Variants in FRMD6 observed in about 807,000 individuals in gnomAD.
FRMD6 encodes the protein FERM domain containing 6.
In FRMD6, 37 loss-of-function variants were observed where a neutral mutation model predicts 73.2. The ratio of observed to expected loss-of-function variants is 0.51; its 90% CI spans 0.39 to 0.66. The LOEUF (loss-of-function observed/expected upper bound fraction) is 0.66. Ranked by LOEUF, FRMD6 falls within the 30% of genes least tolerant of loss-of-function variation. The pLI is 0.00. For synonymous variants in FRMD6, 273 were observed against 282.2 expected, an observed-to-expected ratio of 0.97 and a Z score of 0.33; for missense variants, 714 against 780.5, an observed-to-expected ratio of 0.91 and a Z score of 1.02.
intron 13 of FRMD6, 32 bp downstream of exon 13, chr14:51,725,902 A>C (rs767728444): frequency 4.0e-6 from 6 of 1,489,322 alleles, no homozygotes; most frequent in African/African-American, 2.8e-5. Context: ...ATCAGTTAGG[A>C]AACTGAAGTT....
At chr14:51,592,224 T>C (rs1050258010) in intron 2 of FRMD6, among the ~76,000 whole-genome samples, 43 of 152,290 alleles carry the variant, frequency 2.8e-4, no homozygotes, top group Middle Eastern at 3.4e-3. Flanking sequence ...TTCAGCTCCA[T>C]TGAGAGTTTT....
chr14:51,629,389 G>C lies in FRMD6; in HGVS notation c.-147+58979G>C, dbSNP rs75538247. Among the ~76,000 whole-genome samples the C allele has an allele frequency of 1.8e-3, 273 of 152,250 alleles. 3 individuals carry two copies. The East Asian group carries it at 0.022, about 12-fold the overall frequency. ...TTCATTTCTGTTGGGTAATTCCTAA[G>C]AGCAAAATTCCTAGGTAATATTGTA... On this transcript the variant is annotated intron_variant, in intron 2 of 14. Transcript: ENST00000356218.
chr14:51,601,000 G>GTTCTAAA (rs1890006188), intron 2 of FRMD6, among the ~76,000 whole-genome samples: 1 of 152,178 alleles, frequency 6.6e-6, no homozygotes, highest in Non-Finnish European at 1.5e-5. Context: ...AGATTTTTGG[G>GTTCTAAA]CAGCAATTTT....
chr14:51,507,339 A>G (rs1410879714), intron 1 of FRMD6, among the ~76,000 whole-genome samples: 1 of 152,066 alleles, frequency 6.6e-6, no homozygotes, highest in Non-Finnish European at 1.5e-5. Context: ...GACAATGCTA[A>G]GTGAAGATCC....
intron 1 of FRMD6, among the ~76,000 whole-genome samples, chr14:51,681,084 C>T (rs939659988): frequency 2.0e-5 from 3 of 152,138 alleles, no homozygotes; most frequent in Non-Finnish European, 4.4e-5. Context: ...TTTATATTCT[C>T]CCTTTTCTAT....
chr14:51,448,061 C>T, the FRMD6 span, among the ~76,000 whole-genome samples: 1 of 152,148 alleles, frequency 6.6e-6, no homozygotes, highest in Non-Finnish European at 1.5e-5. Context: ...TTAAGATAAT[C>T]TCTGTGTTTG....
intron 1 of FRMD6, among the ~76,000 whole-genome samples, chr14:51,508,383 A>G (rs73285022): frequency 0.018 from 2,779 of 152,326 alleles, 87 homozygotes; most frequent in African/African-American, 0.063. Flanking sequence ...TGCTTTGTGA[A>G]CAGGGGAAGA....
intron 2 of FRMD6, among the ~76,000 whole-genome samples, chr14:51,633,250 A>C (rs1269812194): frequency 6.6e-6 from 1 of 151,772 alleles, no homozygotes; most frequent in Admixed American, 6.6e-5. Flanking sequence ...GATTAAGCCT[A>C]GGAGTTTGTT....
chr14:51,414,030 C>A, the FRMD6 span, among the ~76,000 whole-genome samples: 2 of 152,130 alleles, frequency 1.3e-5, no homozygotes, highest in East Asian at 3.9e-4. Context: ...TTTGTTTAAG[C>A]CCTTTGTAGA....
the FRMD6 span, among the ~76,000 whole-genome samples, chr14:51,440,817 T>TA: frequency 1.3e-5 from 2 of 152,348 alleles, no homozygotes; most frequent in African/African-American, 4.8e-5. Context: ...TTAATCAGCC[T>TA]AACAACTCAA....
At chr14:51,683,975 A>T (rs926108794) in intron 1 of FRMD6, among the ~76,000 whole-genome samples, 2 of 152,124 alleles carry the variant, frequency 1.3e-5, no homozygotes, top group African/African-American at 4.8e-5. Context: ...AAAGAATCTG[A>T]TGTTCTTTCC....
chr14:51,564,145 T>C (rs1189473688), intron 1 of FRMD6, among the ~76,000 whole-genome samples: 1 of 152,188 alleles, frequency 6.6e-6, no homozygotes, highest in Non-Finnish European at 1.5e-5. Context: ...CGAGCCTCCC[T>C]TGGTCATGTT....
At chr14:51,419,654 T>C in the FRMD6 span, among the ~76,000 whole-genome samples, 3 of 152,204 alleles carry the variant, frequency 2.0e-5, no homozygotes, top group East Asian at 3.9e-4. Flanking sequence ...CAAGATTTAA[T>C]TTCCTTTCAG....
At chr14:51,594,306 T>TTTTATTTATTTATTTATTTA (rs148367741) in intron 2 of FRMD6, among the ~76,000 whole-genome samples, 32 of 143,068 alleles carry the variant, frequency 2.2e-4, no homozygotes, top group African/African-American at 7.7e-4. Context: ...TGTATTTTAT[T>TTTTATTTATTTATTTATTTA]TTTATTTATT....
the FRMD6 span, among the ~76,000 whole-genome samples, chr14:51,480,386 G>A: frequency 2.0e-5 from 3 of 152,142 alleles, no homozygotes; most frequent in African/African-American, 7.2e-5. Flanking sequence ...GAGAACAAAC[G>A]AATTGGGAAA....
rs1887469961 is a variant in FRMD6, at chr14:51,561,374, T to C, written c.-209-8974T>C. On this transcript the variant is annotated intron_variant, in intron 1 of 14. Transcript: ENST00000356218. ...ATTGAATGAAGGCAAGCAATTCCAT[T>C]TGGAATGTCCCATCAGCATTGGAAG... Among the ~76,000 whole-genome samples the C allele has an allele frequency of 2.6e-5, 4 of 152,352 alleles. No individual in the cohort carries two copies. In the South Asian group the frequency reaches 8.3e-4, roughly 32 times the overall value.
At chr14:51,515,812 T>G (rs1884601502) in intron 1 of FRMD6, among the ~76,000 whole-genome samples, 1 of 152,058 alleles carries the variant, frequency 6.6e-6, no homozygotes, top group South Asian at 2.1e-4. Context: ...TTTTTTTCAT[T>G]AACTCGGAGT....
intron 1 of FRMD6, among the ~76,000 whole-genome samples, chr14:51,545,861 C>T (rs955857781): frequency 6.6e-6 from 1 of 151,864 alleles, no homozygotes; most frequent in Non-Finnish European, 1.5e-5. Flanking sequence ...GGAATATGTT[C>T]GGGCATAGGA....
chr14:51,646,845 A>G (rs1031886175), intron 2 of FRMD6, among the ~76,000 whole-genome samples: 59 of 151,890 alleles, frequency 3.9e-4, no homozygotes, highest in African/African-American at 1.4e-3. Flanking sequence ...CCCTTAACCT[A>G]GCACTGCCTT....
Sources: allele counts gnomAD v4.1 joint callset (sites outside exome capture counted in the v4.1 genomes callset), GRCh38; gene constraint gnomAD v4.1.1; transcripts MANE v1.5; gene names NCBI Gene and HGNC (gene_info 2026-07-23, HGNC 2026-07-21).